Variants in ERC1 observed in about 807,000 individuals in gnomAD.
ERC1 encodes ELKS/RAB6-interacting/CAST family member 1.
ERC1 carries 56 observed loss-of-function variants against 132.0 expected under a neutral mutation model. That is an observed-to-expected ratio of 0.42 (90% confidence interval 0.34 to 0.53). The LOEUF (loss-of-function observed/expected upper bound fraction) is 0.53. ERC1 is among the 20% of genes least tolerant of loss of function. The pLI, the probability that ERC1 is intolerant of heterozygous loss-of-function variation, is 0.03. For missense variants in ERC1, 1,202 were observed against 1,349.9 expected, an observed-to-expected ratio of 0.89 and a Z score of 1.72; for synonymous variants, 478 against 476.1, an observed-to-expected ratio of 1.00 and a Z score of -0.05.
At position 1,093,981 on chromosome 12, in the gene ERC1, A is replaced by ATATATATATATATATT. The variant is rs1555236298; in HGVS notation, c.1086+10405_1086+10406insTATATATATATTTATA. On this transcript the variant is annotated intron_variant, in intron 3 of 18. Transcript: ENST00000360905. ...TCTATATATATATATATATATATAT[A>ATATATATATATATATT]TATAGAAAAACATAGAAAATGAATA... Among the ~76,000 whole-genome samples, 282 of 131,972 alleles carry ATATATATATATATATT rather than the reference A, an allele frequency of 2.1e-3. 1 individual carries two copies. The highest frequency in any genetic ancestry group is 6.0e-3 in the African/African-American group (220 of 36,804). The allele number at this position is 131,972 out of a possible 152,430, so 86.6% of individuals were successfully genotyped here. A position where few individuals can be genotyped will look rare whatever the true frequency, so the allele number is the denominator to read the frequency against.
In ERC1 at chr12:1,493,117, T is replaced by A. The variant is rs1469002605; in HGVS notation, c.*2887T>A. 9.2e-6 allele frequency: 2 copies of A among 217,102 alleles called. No homozygotes were observed. The highest frequency in any genetic ancestry group is 1.9e-5 in the Non-Finnish European group (2 of 107,816). The allele number at this position is 217,102 out of a possible 1,614,324, so 13.4% of individuals were successfully genotyped here. A position where few individuals can be genotyped will look rare whatever the true frequency, so the allele number is the denominator to read the frequency against. ...GTAACTGAAGAAGCCCAGTGTGAGC[T>A]TCTCATCTTTTCATATACCTCTAAC... On this transcript the variant is annotated 3_prime_UTR_variant, in exon 19 of 19. Transcript: ENST00000360905.
intron 15 of ERC1, among the ~76,000 whole-genome samples, chr12:1,324,543 G>A (rs2082325602): frequency 6.6e-6 from 1 of 152,146 alleles, no homozygotes; most frequent in African/African-American, 2.4e-5. Flanking sequence ...GGTCACTGGG[G>A]TAATCCAGTC....
intron 16 of ERC1, among the ~76,000 whole-genome samples, chr12:1,398,444 A>T (rs1251643447): frequency 6.6e-6 from 1 of 152,218 alleles, no homozygotes; most frequent in East Asian, 1.9e-4. Context: ...ATAAAGTATA[A>T]AATCAAAGTA....
At chr12:1,062,754 G>A (rs1188445582) in intron 2 of ERC1, among the ~76,000 whole-genome samples, 1 of 152,194 alleles carries the variant, frequency 6.6e-6, no homozygotes, top group African/African-American at 2.4e-5. Context: ...GAAGACCAGT[G>A]TTTCTTTGTT....
At chr12:1,334,628 C>T (rs1035558199) in intron 15 of ERC1, among the ~76,000 whole-genome samples, 1 of 152,172 alleles carries the variant, frequency 6.6e-6, no homozygotes, top group Non-Finnish European at 1.5e-5. Flanking sequence ...GTTTTGGTTA[C>T]TGTAGCCCTG....
At chr12:1,323,441 T>C (rs984679683) in intron 15 of ERC1, among the ~76,000 whole-genome samples, 9 of 152,204 alleles carry the variant, frequency 5.9e-5, no homozygotes, top group African/African-American at 1.9e-4. Context: ...GTGGTATCTA[T>C]ATAAATTATA....
rs141492816 is a variant in ERC1, at chr12:1,026,607, C to T, written c.-156-1141C>T. The stretch of plus-strand genomic sequence containing the variant: ...TTATGTAGTATCCAGTAATCACACA[C>T]ATTGTTTTCTTAATGAAATATATGA... On this transcript the variant is annotated intron_variant, in intron 1 of 18. Transcript: ENST00000360905. Among the ~76,000 whole-genome samples, 1,161 of 152,282 alleles carry T rather than the reference C, an allele frequency of 7.6e-3. 11 individuals are homozygous for T. The highest frequency in any genetic ancestry group is 0.011 in the Non-Finnish European group (769 of 68,028).
chr12:1,030,440 T>A (rs1279696612), intron 2 of ERC1, among the ~76,000 whole-genome samples: 1 of 152,140 alleles, frequency 6.6e-6, no homozygotes, highest in Non-Finnish European at 1.5e-5. Context: ...AATATAGTGT[T>A]AGCCAGGTGT....
chr12:1,190,991 C>T (rs188639884), intron 12 of ERC1, among the ~76,000 whole-genome samples: 69 of 151,958 alleles, frequency 4.5e-4, no homozygotes, highest in African/African-American at 1.6e-3. Flanking sequence ...AGACTTGATA[C>T]TGTCCTCTGA....
chr12:1,448,440 A>G (rs1156425222), intron 18 of ERC1, among the ~76,000 whole-genome samples: 2 of 152,216 alleles, frequency 1.3e-5, no homozygotes, highest in Non-Finnish European at 2.9e-5. Flanking sequence ...TAAGGAAGTA[A>G]TGTAGGCTGT....
chr12:1,071,115 T>G (rs148455788), intron 2 of ERC1, among the ~76,000 whole-genome samples: 1 of 152,364 alleles, frequency 6.6e-6, no homozygotes, highest in African/African-American at 2.4e-5. Context: ...TGGACATTTG[T>G]GTTGTTTCCA....
chr12:1,176,785 T>C (rs2154268525), intron 8 of ERC1, among the ~76,000 whole-genome samples: 1 of 152,280 alleles, frequency 6.6e-6, no homozygotes, highest in East Asian at 1.9e-4. Context: ...ACTTATCCTC[T>C]CTAGCTATGA....
At chr12:1,269,000 C>G (rs1789518499) in intron 14 of ERC1, among the ~76,000 whole-genome samples, 1 of 152,166 alleles carries the variant, frequency 6.6e-6, no homozygotes, top group African/African-American at 2.4e-5. Flanking sequence ...GAAGCATGTT[C>G]AAGCTTATGT....
chr12:1,212,578 C>T (rs958996092), intron 12 of ERC1, among the ~76,000 whole-genome samples: 4 of 152,162 alleles, frequency 2.6e-5, no homozygotes, highest in Non-Finnish European at 4.4e-5. Flanking sequence ...AAGACGGGGT[C>T]CTTGTCACAC....
intron 13 of ERC1, among the ~76,000 whole-genome samples, chr12:1,249,780 C>G (rs1469801939): frequency 7.2e-5 from 11 of 152,126 alleles, no homozygotes; most frequent in Non-Finnish European, 1.3e-4. Flanking sequence ...CTGGAAAGTC[C>G]AAGATCAAGG....
chr12:1,239,243 CAA>C (rs1189152629), intron 13 of ERC1, among the ~76,000 whole-genome samples: 2 of 152,156 alleles, frequency 1.3e-5, no homozygotes, highest in East Asian at 3.9e-4. Flanking sequence ...TTTGTAGAGA[CAA>C]AGTCTCACTA....
intron 18 of ERC1, among the ~76,000 whole-genome samples, chr12:1,448,172 A>G (rs2093348966): frequency 6.6e-6 from 1 of 152,178 alleles, no homozygotes; most frequent in South Asian, 2.1e-4. Context: ...CACTCATCCA[A>G]ACAATTGTGC....
chr12:1,259,060 T>G (rs193067819), intron 13 of ERC1, among the ~76,000 whole-genome samples: 261 of 151,990 alleles, frequency 1.7e-3, no homozygotes, highest in African/African-American at 6.0e-3. Context: ...AGATACTCTT[T>G]TAACATATTT....
chr12:991,471 G>C (rs10774481), intron 1 of ERC1, 149 bp downstream of exon 1: 64,107 of 152,052 alleles, frequency 0.42, 16,471 homozygotes, highest in East Asian at 0.79. Flanking sequence ...CGCCCCCGGG[G>C]AGGGGCGGAG....
Sources: allele counts gnomAD v4.1 joint callset (sites outside exome capture counted in the v4.1 genomes callset), GRCh38; gene constraint gnomAD v4.1.1; transcripts MANE v1.5; gene names NCBI Gene and HGNC (gene_info 2026-07-23, HGNC 2026-07-21).